NKAIN2: variants seen among roughly 807,000 people sequenced by gnomAD.
NKAIN2 encodes sodium/potassium transporting ATPase interacting 2.
A neutral mutation model predicts 32.6 loss-of-function variants in NKAIN2; 14 were observed. The ratio of observed to expected loss-of-function variants is 0.43; its 90% CI spans 0.28 to 0.67. NKAIN2 has a LOEUF of 0.67. Ranked by LOEUF, NKAIN2 falls within the 30% of genes least tolerant of loss-of-function variation. The pLI is 0.17. For synonymous variants in NKAIN2, 80 were observed against 87.2 expected (o/e 0.92, Z 0.46); for missense variants, 198 against 258.3 (o/e 0.77, Z 1.60).
At chr6:124,674,580 TGTTAA>T (rs1342461468) in intron 4 of NKAIN2, among the ~76,000 whole-genome samples, 1 of 152,022 alleles carries the variant, frequency 6.6e-6, no homozygotes, top group Non-Finnish European at 1.5e-5. Flanking sequence ...TCATATCATT[TGTTAA>T]GTTTATTCTT....
intron 1 of NKAIN2, among the ~76,000 whole-genome samples, chr6:124,142,868 A>G (rs1787211840): frequency 6.6e-6 from 1 of 152,210 alleles, no homozygotes; most frequent in African/African-American, 2.4e-5. Flanking sequence ...TATTTTATCA[A>G]TGACAAATTT....
At chr6:124,819,590 T>C (rs1781310560) in intron 6 of NKAIN2, among the ~76,000 whole-genome samples, 1 of 152,104 alleles carries the variant, frequency 6.6e-6, no homozygotes, top group African/African-American at 2.4e-5. Context: ...ACCTGTTAAG[T>C]TTTTCGGTCT....
At chr6:124,645,362 A>G (rs1412145461) in intron 3 of NKAIN2, among the ~76,000 whole-genome samples, 1 of 152,208 alleles carries the variant, frequency 6.6e-6, no homozygotes, top group Non-Finnish European at 1.5e-5. Flanking sequence ...TCTCCACATC[A>G]GGCTTCTCCC....
intron 3 of NKAIN2, among the ~76,000 whole-genome samples, chr6:124,539,960 A>C (rs1447376613): frequency 6.6e-6 from 1 of 152,138 alleles, no homozygotes; most frequent in African/African-American, 2.4e-5. Context: ...AGCTCAGGCA[A>C]TCTGCCCACC....
Position 124,354,882 on chromosome 6 carries a change from C to A in NKAIN2, c.193-385C>A, listed in dbSNP as rs573158129. ...AAAAAACTCAACAGTCCAGTCTGGC[C>A]AACATGACAAAACCCCATCCCTACT... On this transcript the variant is annotated intron_variant, in intron 2 of 6. Transcript: ENST00000368417. 1.2e-3 allele frequency among the ~76,000 whole-genome samples: 180 copies of A among 148,176 alleles called. 1 individual carries two copies. Among genetic ancestry groups the A allele is most frequent in the African/African-American group, 4.4e-3 (176 of 40,168 alleles).
intron 1 of NKAIN2, among the ~76,000 whole-genome samples, chr6:124,009,301 C>G (rs933930054): frequency 1.6e-4 from 25 of 152,086 alleles, no homozygotes; most frequent in Admixed American, 1.3e-4. Context: ...TATCTAGCCA[C>G]CTTGCTGTGT....
At chr6:124,532,965 G>A (rs971261535) in intron 3 of NKAIN2, among the ~76,000 whole-genome samples, 8 of 152,150 alleles carry the variant, frequency 5.3e-5, no homozygotes, top group African/African-American at 1.9e-4. Flanking sequence ...GATAGGAGCT[G>A]GGTTTGCTTC....
At chr6:124,792,283 T>G (rs1779780221) in intron 5 of NKAIN2, among the ~76,000 whole-genome samples, 2 of 152,066 alleles carry the variant, frequency 1.3e-5, no homozygotes, top group African/African-American at 2.4e-5. Context: ...GAGGGAAACA[T>G]CCAAAGATAA....
intron 4 of NKAIN2, among the ~76,000 whole-genome samples, chr6:124,707,638 T>A (rs2114590383): frequency 6.6e-6 from 1 of 150,854 alleles, no homozygotes; most frequent in Admixed American, 6.6e-5. Flanking sequence ...ATAAATGTCT[T>A]CTTTTGAGAA....
At chr6:124,160,476 T>A (rs1788216630) in intron 1 of NKAIN2, among the ~76,000 whole-genome samples, 2 of 152,272 alleles carry the variant, frequency 1.3e-5, no homozygotes, top group East Asian at 3.9e-4. Context: ...ATACTGTATG[T>A]ATATATAGAT....
At chr6:124,257,956 T>G (rs903728914) in intron 1 of NKAIN2, among the ~76,000 whole-genome samples, 2 of 151,794 alleles carry the variant, frequency 1.3e-5, no homozygotes, top group African/African-American at 2.4e-5. Context: ...ATTTTTTGTA[T>G]TTTTAGTAGA....
intron 3 of NKAIN2, among the ~76,000 whole-genome samples, chr6:124,364,078 A>G (rs953697830): frequency 6.6e-6 from 1 of 152,024 alleles, no homozygotes. Flanking sequence ...TAAAGAATCA[A>G]ATGGAAATTC....
intron 1 of NKAIN2, among the ~76,000 whole-genome samples, chr6:123,973,763 A>G (rs546182691): frequency 1.3e-4 from 20 of 152,258 alleles, no homozygotes; most frequent in Admixed American, 4.6e-4. Context: ...ATATGAATCC[A>G]GTTATTCTGT....
intron 3 of NKAIN2, among the ~76,000 whole-genome samples, chr6:124,485,657 A>G (rs940691423): frequency 1.7e-4 from 26 of 152,182 alleles, no homozygotes; most frequent in African/African-American, 6.3e-4. Flanking sequence ...TTTCATGGGG[A>G]CCCCTCAGAT....
intron 1 of NKAIN2, among the ~76,000 whole-genome samples, chr6:124,274,782 C>T (rs1327182021): frequency 6.6e-6 from 1 of 150,800 alleles, no homozygotes; most frequent in Non-Finnish European, 1.5e-5. Context: ...ACACACTATT[C>T]AAAAAAAAGG....
intron 4 of NKAIN2, among the ~76,000 whole-genome samples, chr6:124,711,534 C>A (rs1372872504): frequency 6.6e-6 from 1 of 150,782 alleles, no homozygotes. Context: ...ATTCTTTTTT[C>A]TCTAAACTTC....
intron 1 of NKAIN2, among the ~76,000 whole-genome samples, chr6:124,220,825 G>A (rs949162921): frequency 6.6e-6 from 1 of 151,962 alleles, no homozygotes; most frequent in African/African-American, 2.4e-5. Context: ...GATATACTAG[G>A]AGCTCCATAA....
At chr6:124,221,229 A>T in intron 1 of NKAIN2, among the ~76,000 whole-genome samples, 1 of 152,072 alleles carries the variant, frequency 6.6e-6, no homozygotes, top group Non-Finnish European at 1.5e-5. Flanking sequence ...TGCAGCCATA[A>T]AAAAGGATGA....
At chr6:124,356,042 C>G (rs933902416) in intron 3 of NKAIN2, among the ~76,000 whole-genome samples, 1 of 152,160 alleles carries the variant, frequency 6.6e-6, no homozygotes, top group African/African-American at 2.4e-5. Context: ...CAAATTCTGA[C>G]TCTTGAGAGA....
Sources: gnomAD v4.1 joint callset for allele counts (sites outside exome capture counted in the v4.1 genomes callset) on GRCh38, gnomAD v4.1.1 for gene constraint, MANE v1.5 for transcripts, NCBI Gene and HGNC (gene_info 2026-07-23, HGNC 2026-07-21) for gene names.